AP3B1: variants seen among roughly 807,000 people sequenced by gnomAD.
AP3B1 encodes adaptor related protein complex 3 subunit beta 1.
In AP3B1, 61 loss-of-function variants were observed where a neutral mutation model predicts 132.5. That is an observed-to-expected ratio of 0.46 (90% CI 0.37 to 0.57). The LOEUF (loss-of-function observed/expected upper bound fraction) is 0.57. Ranked by LOEUF, AP3B1 falls within the 20% of genes least tolerant of loss-of-function variation. The pLI, the probability that AP3B1 is intolerant of heterozygous loss-of-function variation, is 0.00. For missense variants in AP3B1, 1,120 were observed against 1,289.4 expected (o/e 0.87, Z 2.01); for synonymous variants, 388 against 438.3 (o/e 0.89, Z 1.43).
chr5:78,188,642 G>A (rs116036700), intron 7 of AP3B1, among the ~76,000 whole-genome samples: 3,559 of 152,250 alleles, frequency 0.023, 150 homozygotes, highest in African/African-American at 0.078. Context: ...ACATAAATTA[G>A]TACAATCATT....
Position 78,113,772 on chromosome 5 carries a change from G to A in AP3B1, c.2229C>T (p.Asn743=). 1 of 1,613,940 alleles carries A rather than the reference G, an allele frequency of 6.2e-7. No homozygotes were observed. Among genetic ancestry groups the A allele is most frequent in the Non-Finnish European group, 8.5e-7 (1 of 1,180,002 alleles). ...GLENKRTAKR[N]SKAKGKSDSE... is the part of the protein sequence containing the mutation. ...GTTACCTTTTTCCTTTGGCTTTTGA[G>A]TTCCTCTTGGCTGTTCTTTTGTTTT... Residue 743 remains asparagine, a synonymous_variant, in exon 19 of 27, where the codon AAC becomes AAT. Transcript: ENST00000255194.
intron 15 of AP3B1, among the ~76,000 whole-genome samples, chr5:78,138,368 G>A (rs1753001168): frequency 6.6e-6 from 1 of 152,128 alleles, no homozygotes; most frequent in African/African-American, 2.4e-5. Context: ...TCAGGGGGCT[G>A]AGGCAGGAGA....
At chr5:78,233,117 A>G (rs1369383574) in intron 3 of AP3B1, among the ~76,000 whole-genome samples, 1 of 152,194 alleles carries the variant, frequency 6.6e-6, no homozygotes, top group Non-Finnish European at 1.5e-5. Flanking sequence ...GAAATTCTCA[A>G]TAACATCCTA....
chr5:78,260,898 A>C (rs1384289375), intron 2 of AP3B1, among the ~76,000 whole-genome samples: 2 of 152,240 alleles, frequency 1.3e-5, no homozygotes, highest in African/African-American at 4.8e-5. Context: ...TTGACTCAGC[A>C]TAATGACTTA....
intron 1 of AP3B1, among the ~76,000 whole-genome samples, chr5:78,291,378 C>T (rs936730001): frequency 9.1e-6 from 1 of 110,248 alleles, no homozygotes; most frequent in African/African-American, 3.4e-5. Context: ...TAAAAAAGAG[C>T]AAGACATCTG....
intron 11 of AP3B1, among the ~76,000 whole-genome samples, chr5:78,167,874 G>T (rs1329335614): frequency 6.6e-6 from 1 of 151,922 alleles, no homozygotes; most frequent in Non-Finnish European, 1.5e-5. Context: ...GGGAAAGGGT[G>T]GGGGGTGGTG....
intron 22 of AP3B1, among the ~76,000 whole-genome samples, chr5:78,072,615 CT>C (rs558289477): frequency 2.2e-4 from 33 of 150,670 alleles, no homozygotes; most frequent in African/African-American, 8.0e-4. Flanking sequence ...TGAAAAACAG[CT>C]GCAAATTTAA....
chr5:78,114,813 T>C (rs1012789126), intron 18 of AP3B1, among the ~76,000 whole-genome samples: 8 of 152,218 alleles, frequency 5.3e-5, no homozygotes, highest in Non-Finnish European at 1.2e-4. Context: ...TGTATTGTTT[T>C]AAGACGGCTT....
At chr5:78,013,883 A>G (rs1746729780) in intron 26 of AP3B1, among the ~76,000 whole-genome samples, 1 of 152,028 alleles carries the variant, frequency 6.6e-6, no homozygotes. Flanking sequence ...AATGAAAGAC[A>G]CCGGGCGCGG....
intron 20 of AP3B1, among the ~76,000 whole-genome samples, chr5:78,101,932 G>A (rs1213850921): frequency 6.6e-6 from 1 of 151,928 alleles, no homozygotes; most frequent in Non-Finnish European, 1.5e-5. Flanking sequence ...CTCAATCACA[G>A]ACCAAAACTA....
chr5:78,048,863 C>T (rs1748456194), intron 22 of AP3B1, among the ~76,000 whole-genome samples: 1 of 152,102 alleles, frequency 6.6e-6, no homozygotes, highest in Non-Finnish European at 1.5e-5. Flanking sequence ...TGGGATTAGT[C>T]AGATTTCAGG....
intron 14 of AP3B1, among the ~76,000 whole-genome samples, chr5:78,143,455 A>G (rs1753239939): frequency 6.6e-6 from 1 of 152,178 alleles, no homozygotes; most frequent in South Asian, 2.1e-4. Flanking sequence ...AAACTTAGAA[A>G]ACTTCACCAC....
At chr5:78,084,627 T>C (rs930504974) in intron 22 of AP3B1, among the ~76,000 whole-genome samples, 7 of 150,740 alleles carry the variant, frequency 4.6e-5, no homozygotes, top group African/African-American at 7.3e-5. Context: ...TCGTCATTCA[T>C]ATATGTGCTT....
At chr5:78,117,401 C>CT in intron 17 of AP3B1, among the ~76,000 whole-genome samples, 1 of 151,732 alleles carries the variant, frequency 6.6e-6, no homozygotes, top group Middle Eastern at 3.4e-3. Context: ...ACTCTGCCTC[C>CT]TAGGTTCAAG....
Position 78,165,106 on chromosome 5 carries a change from T to A in AP3B1, c.1230+504A>T, listed in dbSNP as rs780938596. Among the ~76,000 whole-genome samples, 20 of 152,218 alleles carry A rather than the reference T, an allele frequency of 1.3e-4. No homozygotes were observed. In the Middle Eastern group the frequency reaches 0.01, roughly 78 times the overall value. On this transcript the variant is annotated intron_variant, in intron 12 of 26. Coordinates refer to ENST00000255194, the MANE Select transcript of AP3B1 (RefSeq NM_003664.5). Reference sequence around the variant, plus strand: ...GGGGGAAATGCAGCTAGGAAGAGTCTCATAAGGCATAAAAATACAACTAAA... The same window carrying A: ...GGGGGAAATGCAGCTAGGAAGAGTCACATAAGGCATAAAAATACAACTAAA...
intron 21 of AP3B1, among the ~76,000 whole-genome samples, chr5:78,094,730 G>T (rs977686572): frequency 5.3e-5 from 8 of 151,900 alleles, no homozygotes; most frequent in South Asian, 4.2e-4. Context: ...ACCCAGGCTG[G>T]AGTGCAGTGG....
At chr5:78,262,738 G>A (rs1748149377) in intron 2 of AP3B1, among the ~76,000 whole-genome samples, 2 of 151,410 alleles carry the variant, frequency 1.3e-5, no homozygotes, top group Non-Finnish European at 2.9e-5. Context: ...TGTTGCCCAG[G>A]CTGGAGTGCA....
chr5:78,022,967 T>G (rs1443425491), intron 24 of AP3B1, among the ~76,000 whole-genome samples: 1 of 152,144 alleles, frequency 6.6e-6, no homozygotes, highest in African/African-American at 2.4e-5. Context: ...GCACTGGGAT[T>G]TGAACCCAGG....
intron 7 of AP3B1, among the ~76,000 whole-genome samples, chr5:78,204,683 C>T (rs921038537): frequency 1.3e-5 from 2 of 152,176 alleles, no homozygotes; most frequent in African/African-American, 2.4e-5. Flanking sequence ...AAAATAAAGG[C>T]ATGTCCCTTG....
Sources: allele counts gnomAD v4.1 joint callset (sites outside exome capture counted in the v4.1 genomes callset), GRCh38; gene constraint gnomAD v4.1.1; transcripts MANE v1.5; gene names NCBI Gene and HGNC (gene_info 2026-07-23, HGNC 2026-07-21).